The following TRIO variants were observed in gnomAD, a reference collection of about 807,000 sequenced individuals.
TRIO encodes trio Rho guanine nucleotide exchange factor, also known as triple functional domain protein.
A neutral mutation model predicts 351.9 loss-of-function variants in TRIO; 58 were observed. The observed-to-expected ratio is 0.16, with a 90% confidence interval of 0.13 to 0.21. The LOEUF (loss-of-function observed/expected upper bound fraction) is 0.21, where lower values mean the gene tolerates loss of function less well. Ranked by LOEUF, TRIO falls within the 10% of genes least tolerant of loss-of-function variation. TRIO has a pLI of 1.00. For missense variants in TRIO, 3,201 were observed against 4,027.8 expected, an observed-to-expected ratio of 0.79 and a Z score of 5.56; for synonymous variants, 1,758 against 1,595.7, an observed-to-expected ratio of 1.10 and a Z score of -2.42.
At chr5:14,222,655 C>CT (rs1164090086) in intron 1 of TRIO, among the ~76,000 whole-genome samples, 2 of 152,320 alleles carry the variant, frequency 1.3e-5, no homozygotes, top group African/African-American at 4.8e-5. Flanking sequence ...TTTTGAGTAA[C>CT]TGTTCCACAG....
intron 9 of TRIO, among the ~76,000 whole-genome samples, chr5:14,321,760 G>A (rs1739907878): frequency 6.6e-6 from 1 of 152,156 alleles, no homozygotes; most frequent in Admixed American, 6.5e-5. Flanking sequence ...CTTGTCATGG[G>A]AGGGACCCAG....
chr5:14,490,332 C>T (rs1756392605), intron 48 of TRIO, among the ~76,000 whole-genome samples: 1 of 152,222 alleles, frequency 6.6e-6, no homozygotes, highest in Non-Finnish European at 1.5e-5. Context: ...GCAAAGGCCT[C>T]CTTCCTCCTT....
chr5:14,360,653 C>G (rs1248961388), intron 13 of TRIO, among the ~76,000 whole-genome samples: 2 of 152,246 alleles, frequency 1.3e-5, no homozygotes, highest in African/African-American at 4.8e-5. Flanking sequence ...GGACCTTCTG[C>G]CCATAGTGGG....
In TRIO at chr5:14,155,321, T is replaced by C. The variant is rs114492116; in HGVS notation, c.157+11439T>C. On this transcript the variant is annotated intron_variant, in intron 1 of 56. Coordinates refer to ENST00000344204, the MANE Select transcript of TRIO (RefSeq NM_007118.4). ...TACAAATATGATGATGTCCCTTACC[T>C]CTAAATGGTTCAGTGCATATTTTCT... Among the ~76,000 whole-genome samples, 1,476 of 152,312 alleles carry C rather than the reference T, an allele frequency of 9.7e-3. 30 individuals carry two copies. The highest frequency in any genetic ancestry group is 0.034 in the African/African-American group (1,422 of 41,554).
intron 1 of TRIO, among the ~76,000 whole-genome samples, chr5:14,250,258 G>T (rs562158799): frequency 2.0e-5 from 3 of 152,154 alleles, no homozygotes; most frequent in South Asian, 2.1e-4. Context: ...CTGTCTTGAC[G>T]ATACCTCTGA....
chr5:14,170,297 G>T (rs164521), intron 1 of TRIO, among the ~76,000 whole-genome samples: 1 of 151,760 alleles, frequency 6.6e-6, no homozygotes, highest in African/African-American at 2.4e-5. Context: ...TCAATGGAGA[G>T]ATTATAGTAG....
Position 14,490,641 on chromosome 5 carries a change from TGA to T in TRIO, c.7633-1921_7633-1920del, listed in dbSNP as rs1171973357. 7.9e-5 allele frequency among the ~76,000 whole-genome samples: 12 copies of T among 152,334 alleles called. No homozygotes were observed. The South Asian group carries it at 2.1e-3, about 26-fold the overall frequency. ...GTGCCAGCTCACTGACCTTCCACTC[TGA>T]GAGACTGATAACCACGCCCACTGGT... On this transcript the variant is annotated intron_variant, in intron 48 of 56. Transcript: ENST00000344204.
chr5:14,348,661 G>A (rs562444483), intron 11 of TRIO, among the ~76,000 whole-genome samples: 7 of 144,678 alleles, frequency 4.8e-5, no homozygotes, highest in African/African-American at 2.0e-4. Flanking sequence ...TTTTTCCTGT[G>A]TGTATATGTG....
At chr5:14,283,947 T>C (rs1277023571) in intron 3 of TRIO, among the ~76,000 whole-genome samples, 1 of 151,108 alleles carries the variant, frequency 6.6e-6, no homozygotes, top group Non-Finnish European at 1.5e-5. Context: ...TTGCTTTTAT[T>C]ACTTGAACTG....
intron 1 of TRIO, among the ~76,000 whole-genome samples, chr5:14,148,472 A>G (rs923172534): frequency 6.6e-6 from 1 of 152,230 alleles, no homozygotes; most frequent in Non-Finnish European, 1.5e-5. Context: ...TTCTTAATCA[A>G]TAGCCACACT....
rs567600108 is a variant in TRIO at position 14,302,573 on chromosome 5, G to A, written c.1369-1888G>A. On this transcript the variant is annotated intron_variant, in intron 7 of 56. Coordinates refer to ENST00000344204, the MANE Select transcript of TRIO (RefSeq NM_007118.4). ...ACTCAGTTGACACTTAATGCCGTAT[G>A]AACTGGCTTCAAGCCGTAAGGTCTG... Among the ~76,000 whole-genome samples the A allele has an allele frequency of 7.9e-5, 12 of 152,296 alleles. No homozygotes were observed. The East Asian group carries it at 2.3e-3, about 29-fold the overall frequency.
At chr5:14,371,642 G>GTT (rs1289456867) in intron 18 of TRIO, among the ~76,000 whole-genome samples, 1 of 142,094 alleles carries the variant, frequency 7.0e-6, no homozygotes, top group South Asian at 2.3e-4. Flanking sequence ...TTCTGTAAAT[G>GTT]TTTTTTTTTT....
At chr5:14,172,680 G>A (rs1337903931) in intron 1 of TRIO, among the ~76,000 whole-genome samples, 1 of 152,232 alleles carries the variant, frequency 6.6e-6, no homozygotes, top group Non-Finnish European at 1.5e-5. Context: ...CATCACTGAG[G>A]TGGAAGGCTT....
intron 21 of TRIO, 172 bp from the exon 22 acceptor site, chr5:14,387,266 G>A (rs1561426042): frequency 3.5e-6 from 2 of 574,090 alleles, no homozygotes; most frequent in Non-Finnish European, 6.1e-6. Flanking sequence ...AGAGATAGCT[G>A]GTCAGGAATC....
intron 34 of TRIO, among the ~76,000 whole-genome samples, chr5:14,423,197 T>C (rs367685735): frequency 3.9e-5 from 6 of 152,232 alleles, no homozygotes; most frequent in African/African-American, 1.4e-4. Flanking sequence ...TCGTTTATGC[T>C]GTCTGCCGTT....
At chr5:14,310,705 G>T (rs1351041465) in intron 8 of TRIO, among the ~76,000 whole-genome samples, 1 of 152,202 alleles carries the variant, frequency 6.6e-6, no homozygotes, top group East Asian at 1.9e-4. Flanking sequence ...TTTTTTGGCA[G>T]AGTGGAGTCT....
intron 1 of TRIO, among the ~76,000 whole-genome samples, chr5:14,249,987 G>A (rs1056433262): frequency 6.6e-6 from 1 of 152,174 alleles, no homozygotes; most frequent in African/African-American, 2.4e-5. Flanking sequence ...CAGTGTGCTC[G>A]AAAAGGCACA....
At chr5:14,285,040 T>C (rs1399654375) in intron 3 of TRIO, among the ~76,000 whole-genome samples, 1 of 152,150 alleles carries the variant, frequency 6.6e-6, no homozygotes, top group Non-Finnish European at 1.5e-5. Context: ...TTAATTTCCA[T>C]GACAGGAGAC....
chr5:14,443,232 G>A (rs1445069865), intron 34 of TRIO, among the ~76,000 whole-genome samples: 2 of 152,066 alleles, frequency 1.3e-5, no homozygotes, highest in African/African-American at 2.4e-5. Flanking sequence ...GGAAAAATTC[G>A]TAAGAAAAAT....
Sources: allele counts gnomAD v4.1 joint callset (sites outside exome capture counted in the v4.1 genomes callset), GRCh38; gene constraint gnomAD v4.1.1; transcripts MANE v1.5; gene names NCBI Gene and HGNC (gene_info 2026-07-23, HGNC 2026-07-21).